CDKN1A: variants seen among roughly 807,000 people sequenced by gnomAD.
The protein encoded by CDKN1A is cyclin dependent kinase inhibitor 1A.
Under a neutral mutation model 14.8 loss-of-function variants are expected in CDKN1A, and 14 were observed. That is an observed-to-expected ratio of 0.94 (90% CI 0.62 to 1.48). The LOEUF is 1.48. Ranked by LOEUF, CDKN1A falls within the 40% of genes most tolerant of loss-of-function variation. The pLI is 0.00. For missense variants in CDKN1A, 203 were observed against 231.7 expected, an observed-to-expected ratio of 0.88 and a Z score of 0.80; for synonymous variants, 92 against 93.5, an observed-to-expected ratio of 0.98 and a Z score of 0.09.
chr6:36,681,404 T>TCTTTCTTTCTTC (rs1242277678), intron 1 of CDKN1A, among the ~76,000 whole-genome samples: 2 of 90,336 alleles, frequency 2.2e-5, no homozygotes, highest in East Asian at 7.5e-4. Context: ...TTTCTTTCTT[T>TCTTTCTTTCTTC]CTTCCTTTCT....
chr6:36,684,479 G>T lies in CDKN1A; in HGVS notation c.378G>T (p.Gln126His). ...SCTLVPRSGE[Q>H]AEGSPGGPGD... is the part of the protein sequence containing the mutation. ...CCCTTGTGCCTCGCTCAGGGGAGCA[G>T]GCTGAAGGGTCCCCAGGTGGACCTG... Residue 126 changes from glutamine to histidine, a missense_variant, in exon 2 of 3, where the codon CAG becomes CAT. By Grantham distance (24) the Gln-to-His change is conservative (BLOSUM62 0). Coordinates refer to ENST00000244741, the MANE Select transcript of CDKN1A (RefSeq NM_000389.5). This position sits in a 1 kb window ranked among gnomAD's most constrained non-coding sequence, Gnocchi z 6.0. 1 of 1,614,232 alleles carries T rather than the reference G, an allele frequency of 6.2e-7. No individual in the cohort carries two copies. Among genetic ancestry groups the T allele is most frequent in the South Asian group, 1.1e-5 (1 of 91,084 alleles).
intron 1 of CDKN1A, among the ~76,000 whole-genome samples, chr6:36,681,375 TTC>T (rs1303282242): frequency 4.0e-5 from 3 of 75,478 alleles, no homozygotes; most frequent in Admixed American, 1.6e-4. Flanking sequence ...CTTTCTTTCT[TTC>T]TTTCTTTCTT....
At chr6:36,678,118 A>G (rs1761754842), upstream of CDKN1A, 1 of 373,812 alleles carries the variant, frequency 2.7e-6, no homozygotes, top group African/African-American at 2.1e-5. The surrounding 1 kb of genome is among the most constrained non-coding windows in gnomAD (Gnocchi z 5.7). Context: ...ACGGGACTGA[A>G]AAATCATTCT....
At position 36,687,050 on chromosome 6, in the gene CDKN1A, A is replaced by T. The variant is rs1296287341; in HGVS notation, c.*1250A>T. ...CGTGGGCTCATATGGGGCTGGGAGT[A>T]GTTGTCTTTCCTGGCACTAACGTTG... is the stretch of plus-strand genomic sequence containing the variant. On this transcript the variant is annotated 3_prime_UTR_variant, in exon 3 of 3. Coordinates refer to ENST00000244741, the MANE Select transcript of CDKN1A (RefSeq NM_000389.5). 1 of 233,250 alleles carries T rather than the reference A, an allele frequency of 4.3e-6. No individual in the cohort carries two copies. Among genetic ancestry groups the T allele is most frequent in the Admixed American group, 5.6e-5 (1 of 17,782 alleles). 14.4% of individuals were successfully genotyped at this position (233,250 alleles called of 1,614,324 possible).
Position 36,685,851 on chromosome 6 carries a change from C to A in CDKN1A, c.*51C>A. 6.8e-7 allele frequency: 1 copy of A among 1,470,060 alleles called. No individual in the cohort carries two copies. Among genetic ancestry groups the A allele is most frequent in the Non-Finnish European group, 9.5e-7 (1 of 1,049,624 alleles). The allele number at this position is 1,470,060 out of a possible 1,614,324, so 91.1% of individuals were successfully genotyped here. A position where few individuals can be genotyped will look rare whatever the true frequency, so the allele number is the denominator to read the frequency against. ...TGGAAGCGCGAGGGCCTCAAAGGCC[C>A]GCTCTACATCTTCTGCCTTAGTCTC... On this transcript the variant is annotated 3_prime_UTR_variant, in exon 3 of 3. Coordinates refer to ENST00000244741, the MANE Select transcript of CDKN1A (RefSeq NM_000389.5).
At chr6:36,681,135 G>T (rs1192512541) in intron 1 of CDKN1A, among the ~76,000 whole-genome samples, 1 of 152,148 alleles carries the variant, frequency 6.6e-6, no homozygotes, top group African/African-American at 2.4e-5. Context: ...GTCTCCGCTT[G>T]GCTGGCAACC....
rs1183138065 is a variant in CDKN1A, at chr6:36,687,239, G to A, written c.*1439G>A. ...TAGACTGTAAACCTCTCGAGGGCAGGGACCACACCCTGTACTGTTCTGTGT... is the reference window on the plus strand; with the variant it reads ...TAGACTGTAAACCTCTCGAGGGCAGAGACCACACCCTGTACTGTTCTGTGT... On this transcript the variant is annotated 3_prime_UTR_variant, in exon 3 of 3. Transcript: ENST00000244741. The A allele has an allele frequency of 8.6e-6, 2 of 232,894 alleles. No individual in the cohort carries two copies. The highest frequency in any genetic ancestry group is 3.6e-4 in the South Asian group (2 of 5,514). The allele number at this position is 232,894 out of a possible 1,614,324, so 14.4% of individuals were successfully genotyped here.
intron 1 of CDKN1A, among the ~76,000 whole-genome samples, chr6:36,682,970 G>T (rs924846582): frequency 6.6e-6 from 1 of 152,172 alleles, no homozygotes; most frequent in Non-Finnish European, 1.5e-5. Flanking sequence ...GCCCCGCCCG[G>T]CCCCTCCTTA....
At chr6:36,681,845 C>T (rs1189753207) in intron 1 of CDKN1A, among the ~76,000 whole-genome samples, 7 of 152,018 alleles carry the variant, frequency 4.6e-5, no homozygotes, top group African/African-American at 1.4e-4. Flanking sequence ...CCGCCCTCCT[C>T]GGCCTCCCAA....
intron 1 of CDKN1A, among the ~76,000 whole-genome samples, chr6:36,679,233 A>G (rs1476731931): frequency 6.6e-6 from 1 of 152,162 alleles, no homozygotes; most frequent in African/African-American, 2.4e-5. Context: ...AGGAAGGGCG[A>G]GGAAAGCGGA....
In CDKN1A at chr6:36,684,082, G is replaced by A; in HGVS notation, c.-5-15G>A. On this transcript the variant is annotated splice_polypyrimidine_tract_variant and intron_variant, in intron 1 of 2. Coordinates refer to ENST00000244741, the MANE Select transcript of CDKN1A (RefSeq NM_000389.5). The surrounding 1 kb of genome is among the most constrained non-coding windows in gnomAD (Gnocchi z 6.0). The stretch of plus-strand genomic sequence containing the variant: ...CTCCGCCGTGACCAGGGCCTTCCTT[G>A]TATCTCTGCTGCAGGCGCCATGTCA... 6 of 1,612,480 alleles carry A rather than the reference G, an allele frequency of 3.7e-6. No individual in the cohort carries two copies. Among genetic ancestry groups the A allele is most frequent in the Non-Finnish European group, 4.2e-6 (5 of 1,179,738 alleles).
chr6:36,681,371 T>TC (rs1761979444), intron 1 of CDKN1A, among the ~76,000 whole-genome samples: 1 of 81,538 alleles, frequency 1.2e-5, no homozygotes, highest in Non-Finnish European at 2.4e-5. Flanking sequence ...TTTTCTTTCT[T>TC]TCTTTCTTTC....
At chr6:36,677,932 A>G (rs1024182706), upstream of CDKN1A, 15 of 1,306,594 alleles carry the variant, frequency 1.1e-5, no homozygotes, top group Non-Finnish European at 1.5e-5. Context: ...TCTTCTGTTC[A>G]GGTGAGTGTA....
At chr6:36,679,353 GGCTGAGC>G (rs1414202197) in intron 1 of CDKN1A, among the ~76,000 whole-genome samples, 1 of 152,204 alleles carries the variant, frequency 6.6e-6, no homozygotes, top group Non-Finnish European at 1.5e-5. Flanking sequence ...TCCACCACCT[GGCTGAGC>G]GCTGAGGTCA....
At chr6:36,681,753 G>A (rs1201062449) in intron 1 of CDKN1A, among the ~76,000 whole-genome samples, 4 of 151,684 alleles carry the variant, frequency 2.6e-5, no homozygotes, top group African/African-American at 4.8e-5. Context: ...CATCATGCCC[G>A]GCTAATTTTT....
At chr6:36,678,130 G>T (rs971785028), upstream of CDKN1A, 10 of 368,256 alleles carry the variant, frequency 2.7e-5, no homozygotes, top group Non-Finnish European at 4.8e-5. The surrounding 1 kb of genome is among the most constrained non-coding windows in gnomAD (Gnocchi z 5.7). Flanking sequence ...AATCATTCTG[G>T]CCTCAAGATG....
At position 36,687,195 on chromosome 6, in the gene CDKN1A, T is replaced by C; in HGVS notation, c.*1395T>C. ...TTTTCTCTCGGCTCCCCATGTGTCCTGGTTCCCGTTTCTCCACCTAGACTG... is the reference window on the plus strand; with the variant it reads ...TTTTCTCTCGGCTCCCCATGTGTCCCGGTTCCCGTTTCTCCACCTAGACTG... On this transcript the variant is annotated 3_prime_UTR_variant, in exon 3 of 3. Coordinates refer to ENST00000244741, the MANE Select transcript of CDKN1A (RefSeq NM_000389.5). 4.3e-6 allele frequency: 1 copy of C among 233,364 alleles called. No individual in the cohort carries two copies. The highest frequency in any genetic ancestry group is 8.5e-6 in the Non-Finnish European group (1 of 118,114). The allele number at this position is 233,364 out of a possible 1,614,324, so 14.5% of individuals were successfully genotyped here.
chr6:36,681,335 T>TCCTTCC (rs1394507405), intron 1 of CDKN1A, among the ~76,000 whole-genome samples: 1 of 25,674 alleles, frequency 3.9e-5, no homozygotes, highest in African/African-American at 1.4e-4. Context: ...TTTCTTTCTT[T>TCCTTCC]TTCTTTCTTT....
upstream of CDKN1A, chr6:36,678,246 A>G: frequency 4.4e-6 from 1 of 225,676 alleles, no homozygotes; most frequent in Non-Finnish European, 8.9e-6. This position sits in a 1 kb window ranked among gnomAD's most constrained non-coding sequence, Gnocchi z 5.7. Context: ...GAAATTGCAG[A>G]GAGGTGCATC....
Sources: allele counts gnomAD v4.1 joint callset (sites outside exome capture counted in the v4.1 genomes callset), GRCh38; gene constraint gnomAD v4.1.1; non-coding constraint Gnocchi (gnomAD v3.1); transcripts MANE v1.5; gene names NCBI Gene and HGNC (gene_info 2026-07-23, HGNC 2026-07-21).